The following SUSD6 variants were observed in gnomAD, a reference collection of about 807,000 sequenced individuals.
SUSD6 encodes the protein sushi domain containing 6.
In SUSD6, 16 loss-of-function variants were observed where a neutral mutation model predicts 28.4. The observed-to-expected ratio is 0.56, with a 90% CI of 0.38 to 0.86. The LOEUF (loss-of-function observed/expected upper bound fraction) is 0.86. Among genes scored for constraint, SUSD6 ranks in the 40% least tolerant of loss-of-function variants. The pLI, the probability that SUSD6 is intolerant of heterozygous loss-of-function variation, is 0.00. For missense variants in SUSD6, 341 were observed against 384.2 expected (o/e 0.89, Z 0.94); for synonymous variants, 147 against 159.6 (o/e 0.92, Z 0.59).
chr14:69,703,669 C>T, intron 3 of SUSD6, 77 bp downstream of exon 3: 1 of 1,338,946 alleles, frequency 7.5e-7, no homozygotes, highest in South Asian at 1.2e-5. Flanking sequence ...AGCATGCTTC[C>T]TCCAGAGCAC....
intron 2 of SUSD6, among the ~76,000 whole-genome samples, chr14:69,662,656 G>A (rs1345080123): frequency 6.6e-6 from 1 of 152,166 alleles, no homozygotes; most frequent in East Asian, 1.9e-4. Flanking sequence ...TAAAATCTAT[G>A]CACATGCTAT....
At chr14:69,681,032 A>C (rs1394164440) in intron 2 of SUSD6, among the ~76,000 whole-genome samples, 1 of 152,188 alleles carries the variant, frequency 6.6e-6, no homozygotes, top group Non-Finnish European at 1.5e-5. Flanking sequence ...CTAGTTCTTC[A>C]GTAGTTGCAC....
chr14:69,691,306 G>A (rs565410476), intron 2 of SUSD6, among the ~76,000 whole-genome samples: 3 of 152,202 alleles, frequency 2.0e-5, no homozygotes, highest in Admixed American at 6.5e-5. Flanking sequence ...AGACAAGATC[G>A]TGCCACTAGA....
intron 2 of SUSD6, among the ~76,000 whole-genome samples, chr14:69,662,567 T>C (rs891588575): frequency 6.6e-6 from 1 of 152,220 alleles, no homozygotes; most frequent in Non-Finnish European, 1.5e-5. Flanking sequence ...TAAGTTTCCT[T>C]TTTAAGAGTG....
intron 1 of SUSD6, among the ~76,000 whole-genome samples, chr14:69,656,504 T>C (rs1277173343): frequency 2.0e-5 from 3 of 152,182 alleles, no homozygotes; most frequent in Non-Finnish European, 4.4e-5. Flanking sequence ...TCTGAGTATA[T>C]CCCTTAACCA....
chr14:69,656,844 C>T (rs1309550331), intron 1 of SUSD6, among the ~76,000 whole-genome samples: 4 of 152,242 alleles, frequency 2.6e-5, no homozygotes, highest in African/African-American at 9.6e-5. Context: ...CATAAATGGG[C>T]ACACATTCGA....
chr14:69,666,435 G>T (rs771581304), intron 2 of SUSD6, among the ~76,000 whole-genome samples: 1 of 152,210 alleles, frequency 6.6e-6, no homozygotes, highest in South Asian at 2.1e-4. Context: ...GAATGCCAAG[G>T]ATCTGTTCTT....
Position 69,681,281 on chromosome 14 carries a change from G to A in SUSD6, c.122-22114G>A, listed in dbSNP as rs59781261. Among the ~76,000 whole-genome samples the A allele has an allele frequency of 7.3e-3, 1,117 of 152,310 alleles. 13 individuals are homozygous for A. The highest frequency in any genetic ancestry group is 0.025 in the African/African-American group (1,030 of 41,562). On this transcript the variant is annotated intron_variant, in intron 2 of 5. Coordinates refer to ENST00000342745, the MANE Select transcript of SUSD6 (RefSeq NM_014734.4). ...ATGCATTAATGCTGTCTGCAGAAAG[G>A]TCCTGCTCAGGGAAAAAATTCTGGA...
intron 2 of SUSD6, among the ~76,000 whole-genome samples, chr14:69,692,318 C>A (rs1335376337): frequency 1.3e-5 from 2 of 152,162 alleles, no homozygotes; most frequent in Non-Finnish European, 2.9e-5. Flanking sequence ...TGTATCCCAC[C>A]CCTATGTTAT....
Position 69,714,261 on chromosome 14 carries a change from TC to T in SUSD6, c.*3284del, listed in dbSNP as rs1411351471. The T allele has an allele frequency of 6.6e-6, 1 of 152,226 alleles. No homozygotes were observed. Among genetic ancestry groups the T allele is most frequent in the Admixed American group, 6.5e-5 (1 of 15,280 alleles). 9.4% of individuals were successfully genotyped at this position (152,226 alleles called of 1,614,324 possible). Reference sequence around the variant, plus strand: ...GGCAATTCAGACAAAGGTATACTCTTCCTGCTTCATGGGTGGTGGCACGGGA... The same window carrying T: ...GGCAATTCAGACAAAGGTATACTCTTCTGCTTCATGGGTGGTGGCACGGGA... On this transcript the variant is annotated 3_prime_UTR_variant, in exon 6 of 6. Coordinates refer to ENST00000342745, the MANE Select transcript of SUSD6 (RefSeq NM_014734.4).
intron 1 of SUSD6, among the ~76,000 whole-genome samples, chr14:69,652,023 T>C (rs1254116883): frequency 6.6e-6 from 1 of 152,188 alleles, no homozygotes; most frequent in African/African-American, 2.4e-5. Context: ...TTGGTGAACA[T>C]AGTTAATTAA....
intron 1 of SUSD6, among the ~76,000 whole-genome samples, chr14:69,650,955 G>T (rs771658574): frequency 5.3e-5 from 8 of 152,210 alleles, no homozygotes; most frequent in African/African-American, 1.2e-4. Flanking sequence ...GTGCTGCTCA[G>T]TCAGAACAAT....
chr14:69,677,782 A>T (rs748454954), intron 2 of SUSD6, among the ~76,000 whole-genome samples: 4 of 152,238 alleles, frequency 2.6e-5, no homozygotes, highest in Non-Finnish European at 5.9e-5. Context: ...TATAAAGATT[A>T]GAAAACAATC....
At chr14:69,676,622 T>G (rs73281557) in intron 2 of SUSD6, among the ~76,000 whole-genome samples, 2,604 of 152,318 alleles carry the variant, frequency 0.017, 79 homozygotes, top group African/African-American at 0.06. Context: ...CTTGAACTCT[T>G]AGGCTCAAGC....
In SUSD6 at chr14:69,675,673, T is replaced by C. The variant is rs1885897568; in HGVS notation, c.121+16960T>C. Among the ~76,000 whole-genome samples the C allele has an allele frequency of 2.6e-5, 4 of 152,346 alleles. No homozygotes were observed. In the South Asian group the frequency reaches 8.3e-4, roughly 32 times the overall value. On this transcript the variant is annotated intron_variant, in intron 2 of 5. Coordinates refer to ENST00000342745, the MANE Select transcript of SUSD6 (RefSeq NM_014734.4). ...GTTGACAAGATGTACAAACACTTGCTTGTATATCATGTCATATTGTTGTCC... is the reference window on the plus strand; with the variant it reads ...GTTGACAAGATGTACAAACACTTGCCTGTATATCATGTCATATTGTTGTCC...
At chr14:69,656,148 C>CTTCCTCCATTCTTCCCTCCCTCCCTA (rs1566596566) in intron 1 of SUSD6, among the ~76,000 whole-genome samples, 15 of 147,634 alleles carry the variant, frequency 1.0e-4, no homozygotes, top group Non-Finnish European at 1.9e-4. Flanking sequence ...CTCCCTCCGT[C>CTTCCTCCATTCTTCCCTCCCTCCCTA]TTCCTCCATT....
chr14:69,664,639 C>T (rs1885712104), intron 2 of SUSD6, among the ~76,000 whole-genome samples: 3 of 152,244 alleles, frequency 2.0e-5, no homozygotes, highest in East Asian at 1.9e-4. Context: ...ATGTTTAAAA[C>T]ATTGACAACA....
chr14:69,698,233 C>A (rs1222582158), intron 2 of SUSD6, among the ~76,000 whole-genome samples: 1 of 152,204 alleles, frequency 6.6e-6, no homozygotes, highest in Non-Finnish European at 1.5e-5. Context: ...GAGGCTGAGG[C>A]AGGAGAATCG....
intron 1 of SUSD6, among the ~76,000 whole-genome samples, chr14:69,655,119 A>T (rs369389712): frequency 7.3e-5 from 11 of 151,224 alleles, no homozygotes; most frequent in African/African-American, 2.7e-4. Flanking sequence ...GCTTTATTCC[A>T]GGTGAGTTTT....
Sources: allele counts gnomAD v4.1 joint callset (sites outside exome capture counted in the v4.1 genomes callset), GRCh38; gene constraint gnomAD v4.1.1; transcripts MANE v1.5; gene names NCBI Gene and HGNC (gene_info 2026-07-23, HGNC 2026-07-21).